PHACTR1: variants seen among roughly 807,000 people sequenced by gnomAD.
The protein encoded by PHACTR1 is RPEL repeat containing 1.
A neutral mutation model predicts 69.2 loss-of-function variants in PHACTR1; 16 were observed. The ratio of observed to expected loss-of-function variants is 0.23; its 90% CI spans 0.16 to 0.35. The LOEUF (loss-of-function observed/expected upper bound fraction) is 0.35, where lower values mean the gene tolerates loss of function less well. PHACTR1 is among the 10% of genes least tolerant of loss of function. The probability of loss-of-function intolerance (pLI) is 1.00; values close to 1 mark genes in which losing one functional copy is unlikely to be tolerated. For missense variants in PHACTR1, 510 were observed against 734.7 expected, an observed-to-expected ratio of 0.69 and a Z score of 3.54; for synonymous variants, 312 against 284.5, an observed-to-expected ratio of 1.10 and a Z score of -0.97.
chr6:13,119,588 A>G (rs552928259), intron 5 of PHACTR1, among the ~76,000 whole-genome samples: 2 of 152,312 alleles, frequency 1.3e-5, no homozygotes, highest in South Asian at 2.1e-4. Context: ...CCCTGCAGCT[A>G]CAACTCACGT....
chr6:13,096,347 G>C (rs1485987998), intron 5 of PHACTR1, among the ~76,000 whole-genome samples: 1 of 152,160 alleles, frequency 6.6e-6, no homozygotes, highest in Non-Finnish European at 1.5e-5. Flanking sequence ...TCTCTGATTA[G>C]AGATTAAACC....
At chr6:12,984,839 CA>C (rs1795947759) in intron 4 of PHACTR1, among the ~76,000 whole-genome samples, 1 of 152,210 alleles carries the variant, frequency 6.6e-6, no homozygotes, top group African/African-American at 2.4e-5. Context: ...TCATCAATCA[CA>C]GTTTCAGAAC....
chr6:12,798,069 C>CACACACACACACACACACACACACA (rs1561892342), intron 4 of PHACTR1, among the ~76,000 whole-genome samples: 1 of 149,482 alleles, frequency 6.7e-6, no homozygotes, highest in African/African-American at 2.4e-5. Context: ...CACACACACA[C>CACACACACACACACACACACACACA]CCCTACATAA....
chr6:12,725,660 T>C (rs1470854971), intron 3 of PHACTR1, among the ~76,000 whole-genome samples: 1 of 152,236 alleles, frequency 6.6e-6, no homozygotes, highest in Non-Finnish European at 1.5e-5. Flanking sequence ...ATAAAGTGTC[T>C]AGTACCTTGT....
rs540680756 is a variant in PHACTR1 at position 12,996,818 on chromosome 6, C to T, written c.251-56547C>T. ...TGAACGTAAATTAAATGCAGAAATT[C>T]TAAATATAATATTTTAACCCAAGCC... On this transcript the variant is annotated intron_variant, in intron 4 of 14. Coordinates refer to ENST00000332995, the MANE Select transcript of PHACTR1 (RefSeq NM_030948.6). Among the ~76,000 whole-genome samples, 125 of 152,228 alleles carry T rather than the reference C, an allele frequency of 8.2e-4. 1 individual carries two copies. The highest frequency in any genetic ancestry group is 1.6e-3 in the Non-Finnish European group (109 of 68,012).
At chr6:13,107,079 T>A (rs1816274397) in intron 5 of PHACTR1, among the ~76,000 whole-genome samples, 1 of 147,670 alleles carries the variant, frequency 6.8e-6, no homozygotes, top group African/African-American at 2.5e-5. Context: ...AGTTAGGAGA[T>A]GTTTCCTTCT....
At chr6:12,727,775 A>G (rs1156706059) in intron 3 of PHACTR1, among the ~76,000 whole-genome samples, 4 of 152,192 alleles carry the variant, frequency 2.6e-5, no homozygotes, top group Non-Finnish European at 1.5e-5. Context: ...CTAGCAGAAG[A>G]AAGGATAGGG....
chr6:13,049,953 G>A (rs1805666932), intron 4 of PHACTR1, among the ~76,000 whole-genome samples: 1 of 152,186 alleles, frequency 6.6e-6, no homozygotes, highest in Non-Finnish European at 1.5e-5. Context: ...CTTGTAAAAT[G>A]TGGACAAAAG....
chr6:12,991,740 A>G (rs1280249244), intron 4 of PHACTR1, among the ~76,000 whole-genome samples: 1 of 152,220 alleles, frequency 6.6e-6, no homozygotes, highest in Middle Eastern at 3.2e-3. Flanking sequence ...AAGTAGTTTA[A>G]TTAGATAAAA....
intron 4 of PHACTR1, among the ~76,000 whole-genome samples, chr6:12,999,765 A>G (rs767234288): frequency 2.0e-5 from 3 of 152,198 alleles, no homozygotes; most frequent in African/African-American, 4.8e-5. Flanking sequence ...ACACACAAAC[A>G]TTAACTTCGG....
rs192169147 is a variant in PHACTR1, at chr6:13,044,280, G to A, written c.251-9085G>A. 2.5e-4 allele frequency among the ~76,000 whole-genome samples: 38 copies of A among 152,180 alleles called. No individual in the cohort carries two copies. In the East Asian group the frequency reaches 5.4e-3, roughly 22 times the overall value. Reference sequence around the variant, plus strand: ...CATAATAGGATCGTTTCTTCTCAACGCTTATGAATCATCATTGTGACCTGG... The same window carrying A: ...CATAATAGGATCGTTTCTTCTCAACACTTATGAATCATCATTGTGACCTGG... On this transcript the variant is annotated intron_variant, in intron 4 of 14. Transcript: ENST00000332995.
intron 10 of PHACTR1, among the ~76,000 whole-genome samples, chr6:13,237,456 C>A (rs1357496865): frequency 6.6e-6 from 1 of 152,098 alleles, no homozygotes; most frequent in Admixed American, 6.6e-5. Context: ...TTCTGGGCCT[C>A]CTGTTTTAAA....
rs188397288 is a variant in PHACTR1 at position 12,787,142 on chromosome 6, G to A, written c.250+37352G>A. Among the ~76,000 whole-genome samples, 7 of 152,298 alleles carry A rather than the reference G, an allele frequency of 4.6e-5. No homozygotes were observed. The East Asian group carries it at 9.6e-4, about 21-fold the overall frequency. ...TTGAAGGGAGTTTAGAGAGCACCCC[G>A]TCCTTAAACAGCTGGTGAAATTAGG... On this transcript the variant is annotated intron_variant, in intron 4 of 14. Coordinates refer to ENST00000332995, the MANE Select transcript of PHACTR1 (RefSeq NM_030948.6).
intron 4 of PHACTR1, among the ~76,000 whole-genome samples, chr6:12,912,299 C>T (rs375101482): frequency 1.6e-4 from 25 of 152,168 alleles, no homozygotes; most frequent in African/African-American, 6.0e-4. Context: ...CGTGCTTGGC[C>T]CAAAACAGCA....
intron 5 of PHACTR1, among the ~76,000 whole-genome samples, chr6:13,080,002 T>C (rs1005598773): frequency 3.3e-5 from 5 of 152,278 alleles, no homozygotes; most frequent in African/African-American, 1.2e-4. Context: ...CCAGTCTCCC[T>C]TGATGTCTGT....
At chr6:13,208,638 C>CCA (rs59126371) in intron 8 of PHACTR1, among the ~76,000 whole-genome samples, 15 of 150,868 alleles carry the variant, frequency 9.9e-5, no homozygotes, top group Non-Finnish European at 1.8e-4. Flanking sequence ...CCCACCCCCC[C>CCA]AACCCCATGT....
At chr6:12,930,772 C>G (rs569140382) in intron 4 of PHACTR1, among the ~76,000 whole-genome samples, 2 of 152,018 alleles carry the variant, frequency 1.3e-5, no homozygotes, top group African/African-American at 4.8e-5. Context: ...ACAAATGAGC[C>G]GGGCACAGTG....
chr6:12,764,206 A>G (rs1256580225), intron 4 of PHACTR1, among the ~76,000 whole-genome samples: 1 of 152,232 alleles, frequency 6.6e-6, no homozygotes, highest in Non-Finnish European at 1.5e-5. Context: ...TGCTATGAAT[A>G]CTAGTGCATT....
At position 13,272,933 on chromosome 6, in the gene PHACTR1, T is replaced by C. The variant is rs1178826636; in HGVS notation, c.1447+18T>C. 1 of 1,613,398 alleles carries C rather than the reference T, an allele frequency of 6.2e-7. No homozygotes were observed. Among genetic ancestry groups the C allele is most frequent in the Non-Finnish European group, 8.5e-7 (1 of 1,179,664 alleles). ...TTTGAAACGTAAGTGACTAAGCCCATGGCAATCCCTGATGTTTTGTGGCGG... is the reference window on the plus strand; with the variant it reads ...TTTGAAACGTAAGTGACTAAGCCCACGGCAATCCCTGATGTTTTGTGGCGG... On this transcript the variant is annotated intron_variant, in intron 11 of 14. Coordinates refer to ENST00000332995, the MANE Select transcript of PHACTR1 (RefSeq NM_030948.6).
Sources: allele counts gnomAD v4.1 joint callset (sites outside exome capture counted in the v4.1 genomes callset), GRCh38; gene constraint gnomAD v4.1.1; transcripts MANE v1.5; gene names NCBI Gene and HGNC (gene_info 2026-07-23, HGNC 2026-07-21).